Variants in MAD1L1 observed in about 807,000 individuals in gnomAD.
MAD1L1 encodes the protein mitotic spindle assembly checkpoint protein MAD1.
MAD1L1 carries 95 observed loss-of-function variants against 96.9 expected under a neutral mutation model. The observed-to-expected ratio is 0.98, with a 90% CI of 0.83 to 1.16. The LOEUF is 1.16. Among genes scored for constraint, MAD1L1 ranks in the 50% most tolerant of loss-of-function variants. MAD1L1 has a pLI of 0.00. For missense variants in MAD1L1, 1,007 were observed against 954.4 expected (o/e 1.06, Z -0.73); for synonymous variants, 473 against 396.6 (o/e 1.19, Z -2.29).
chr7:2,122,924 G>A lies in MAD1L1; in HGVS notation c.1073+26228C>T, dbSNP rs188271276. On this transcript the variant is annotated intron_variant, in intron 11 of 18. Transcript: ENST00000265854. Reference sequence around the variant, plus strand: ...CTCCCAGGTGAGCTTCCCCGTCACCGTCTGCCCATCCTGCCCTGGTAGAGA... The same window carrying A: ...CTCCCAGGTGAGCTTCCCCGTCACCATCTGCCCATCCTGCCCTGGTAGAGA... Among the ~76,000 whole-genome samples, 263 of 152,338 alleles carry A rather than the reference G, an allele frequency of 1.7e-3. 1 individual carries two copies. Among genetic ancestry groups the A allele is most frequent in the African/African-American group, 5.4e-3 (225 of 41,578 alleles).
At chr7:1,911,034 A>G (rs1218266774) in intron 17 of MAD1L1, among the ~76,000 whole-genome samples, 2 of 152,170 alleles carry the variant, frequency 1.3e-5, no homozygotes, top group Non-Finnish European at 2.9e-5. Flanking sequence ...GCCTGTGCCC[A>G]CAGCCCTGAT....
intron 10 of MAD1L1, among the ~76,000 whole-genome samples, chr7:2,210,921 C>T (rs1792909084): frequency 1.3e-5 from 2 of 152,232 alleles, no homozygotes; most frequent in Admixed American, 6.5e-5. Context: ...TACACGATCA[C>T]GTCGGATCTT....
chr7:1,971,153 C>G (rs368715344), intron 15 of MAD1L1, among the ~76,000 whole-genome samples: 10 of 152,026 alleles, frequency 6.6e-5, no homozygotes, highest in Admixed American at 1.3e-4. Context: ...ACTCGATCAA[C>G]GTGGAGATGC....
chr7:2,118,776 C>T (rs1025831225), intron 11 of MAD1L1, among the ~76,000 whole-genome samples: 7 of 152,204 alleles, frequency 4.6e-5, no homozygotes, highest in Non-Finnish European at 8.8e-5. Context: ...ACCAGCTAAG[C>T]ACATCCCTCC....
intron 11 of MAD1L1, among the ~76,000 whole-genome samples, chr7:2,090,598 C>T (rs935050571): frequency 5.9e-5 from 9 of 152,208 alleles, no homozygotes; most frequent in Non-Finnish European, 1.3e-4. Flanking sequence ...TGCCACACCT[C>T]CTGAGTCTCC....
chr7:1,956,695 C>T (rs1401440020), intron 16 of MAD1L1, among the ~76,000 whole-genome samples: 1 of 152,250 alleles, frequency 6.6e-6, no homozygotes, highest in Non-Finnish European at 1.5e-5. Context: ...GCATCTCCCA[C>T]AGAGGAGTGC....
intron 4 of MAD1L1, among the ~76,000 whole-genome samples, chr7:2,224,686 C>T (rs1247705593): frequency 6.6e-6 from 1 of 152,210 alleles, no homozygotes; most frequent in Non-Finnish European, 1.5e-5. Context: ...CTGCCTGAAC[C>T]TTGGCAGCAT....
At chr7:2,074,226 A>G (rs1785272761) in intron 11 of MAD1L1, among the ~76,000 whole-genome samples, 1 of 152,136 alleles carries the variant, frequency 6.6e-6, no homozygotes, top group African/African-American at 2.4e-5. Flanking sequence ...TGGGGTGGGA[A>G]TCTCAAGCAA....
chr7:1,881,576 T>G (rs1330925149), intron 18 of MAD1L1, among the ~76,000 whole-genome samples: 1 of 152,196 alleles, frequency 6.6e-6, no homozygotes, highest in African/African-American at 2.4e-5. Flanking sequence ...CAAGGAAATA[T>G]TTTAAGTAAA....
At chr7:2,194,372 T>A (rs1401847659) in intron 10 of MAD1L1, among the ~76,000 whole-genome samples, 2 of 152,172 alleles carry the variant, frequency 1.3e-5, no homozygotes, top group African/African-American at 2.4e-5. Context: ...GTCTTGAAAA[T>A]AAAGTCTTAC....
Position 1,913,779 on chromosome 7 carries a change from C to T in MAD1L1, c.1808-15389G>A, listed in dbSNP as rs145809986. ...GAGCCACTGGGGCTGCAATGCAGGC[C>T]GTCCGGATTCCGTGGGGAGTGGAGG... On this transcript the variant is annotated intron_variant, in intron 17 of 18. Transcript: ENST00000265854. 6.2e-3 allele frequency among the ~76,000 whole-genome samples: 948 copies of T among 152,244 alleles called. 12 individuals carry two copies. Among genetic ancestry groups the T allele is most frequent in the African/African-American group, 0.022 (906 of 41,540 alleles).
intron 12 of MAD1L1, among the ~76,000 whole-genome samples, chr7:2,055,915 G>A (rs1337136986): frequency 6.6e-6 from 1 of 152,170 alleles, no homozygotes; most frequent in Non-Finnish European, 1.5e-5. Flanking sequence ...GGAGGCAGAG[G>A]TTGCAGTGAG....
chr7:2,177,778 G>A (rs554918374), intron 10 of MAD1L1, among the ~76,000 whole-genome samples: 4 of 152,088 alleles, frequency 2.6e-5, no homozygotes, highest in Non-Finnish European at 4.4e-5. Flanking sequence ...CTCTGTAAAC[G>A]CCTGCCTGAA....
intron 18 of MAD1L1, among the ~76,000 whole-genome samples, chr7:1,887,251 G>C (rs56821732): frequency 0.087 from 13,249 of 151,982 alleles, 1,893 homozygotes; most frequent in African/African-American, 0.3. Flanking sequence ...GGGTGGCTGT[G>C]CATGTGTGGG....
chr7:1,904,966 C>G (rs139832827), intron 17 of MAD1L1, among the ~76,000 whole-genome samples: 1,019 of 88,564 alleles, frequency 0.012, 355 homozygotes, highest in African/African-American at 0.043. Context: ...TTCCAGGCAG[C>G]AAGGACACAG....
intron 11 of MAD1L1, among the ~76,000 whole-genome samples, chr7:2,102,633 CCAT>C (rs1226154668): frequency 2.6e-5 from 4 of 152,084 alleles, no homozygotes; most frequent in Admixed American, 1.3e-4. Context: ...CACCCTCGCA[CCAT>C]CATCGCCACT....
At chr7:2,188,813 C>T (rs986482502) in intron 10 of MAD1L1, among the ~76,000 whole-genome samples, 58 of 145,078 alleles carry the variant, frequency 4.0e-4, no homozygotes, top group African/African-American at 1.4e-3. Context: ...CAGATAACAG[C>T]AAAAAAAAAA....
At chr7:1,958,147 G>T (rs901447142) in intron 15 of MAD1L1, among the ~76,000 whole-genome samples, 4 of 152,196 alleles carry the variant, frequency 2.6e-5, no homozygotes, top group African/African-American at 9.7e-5. Context: ...GAAAAGACAG[G>T]AAAGGACTTC....
chr7:2,225,505 G>A lies in MAD1L1; in HGVS notation c.196C>T (p.Gln66Ter), dbSNP rs750824848. The change falls in exon 4 of 19, where the codon CAG (glutamine) becomes TAG (stop). Residue 66 changes from glutamine to a stop codon, truncating the protein, a stop_gained. Transcript: ENST00000265854. LOFTEE classifies it high-confidence loss of function. ...ATCTGCATTTTCTCCCGCTCCACCTGGATGAGGTGGGACTTCGAACGGATC... is the reference window on the plus strand; with the variant it reads ...ATCTGCATTTTCTCCCGCTCCACCTAGATGAGGTGGGACTTCGAACGGATC... ...EQIRSKSHLI[Q>*]VEREKMQMEL... 1 of 1,613,990 alleles carries A rather than the reference G, an allele frequency of 6.2e-7. No individual in the cohort carries two copies. The highest frequency in any genetic ancestry group is 8.5e-7 in the Non-Finnish European group (1 of 1,179,918).
Sources: gnomAD v4.1 joint callset for allele counts (sites outside exome capture counted in the v4.1 genomes callset) on GRCh38, gnomAD v4.1.1 for gene constraint, MANE v1.5 for transcripts, NCBI Gene and HGNC (gene_info 2026-07-23, HGNC 2026-07-21) for gene names.